The following ERBB4 variants were observed in gnomAD, a reference collection of about 807,000 sequenced individuals.
ERBB4 encodes the protein erb-b2 receptor tyrosine kinase 4, also known as receptor tyrosine-protein kinase erbB-4.
In ERBB4, 42 loss-of-function variants were observed where a neutral mutation model predicts 158.0. The ratio of observed to expected loss-of-function variants is 0.27; its 90% CI spans 0.21 to 0.34. The LOEUF (loss-of-function observed/expected upper bound fraction) is 0.34, where lower values mean the gene tolerates loss of function less well. Among genes scored for constraint, ERBB4 ranks in the 10% least tolerant of loss-of-function variants. ERBB4 has a pLI of 1.00. For missense variants in ERBB4, 1,333 were observed against 1,624.1 expected (o/e 0.82, Z 3.08); for synonymous variants, 583 against 558.7 (o/e 1.04, Z -0.61).
intron 1 of ERBB4, among the ~76,000 whole-genome samples, chr2:212,272,652 C>G (rs1287997109): frequency 6.6e-6 from 1 of 151,698 alleles, no homozygotes; most frequent in Non-Finnish European, 1.5e-5. Context: ...GACTGATGCG[C>G]CAGCTTGCAG....
intron 3 of ERBB4, among the ~76,000 whole-genome samples, chr2:211,933,181 C>A (rs1049013187): frequency 4.6e-5 from 7 of 152,032 alleles, no homozygotes; most frequent in Non-Finnish European, 1.0e-4. Context: ...AAGCATGATA[C>A]AATTTTAATT....
intron 1 of ERBB4, among the ~76,000 whole-genome samples, chr2:212,218,253 T>A (rs1467810517): frequency 6.6e-6 from 1 of 151,362 alleles, no homozygotes; most frequent in East Asian, 1.9e-4. Context: ...ATGAATAATA[T>A]CTGAAGTACA....
chr2:211,634,679 T>C (rs2070290620), intron 16 of ERBB4, among the ~76,000 whole-genome samples: 1 of 152,106 alleles, frequency 6.6e-6, no homozygotes, highest in African/African-American at 2.4e-5. Flanking sequence ...GTGATTTATT[T>C]TATTTTTATT....
chr2:211,744,312 C>A (rs1206302689), intron 5 of ERBB4, among the ~76,000 whole-genome samples: 1 of 152,122 alleles, frequency 6.6e-6, no homozygotes, highest in Non-Finnish European at 1.5e-5. Flanking sequence ...AATGTACTAA[C>A]TTTTACTAAA....
chr2:211,993,956 A>G (rs1298707261), intron 2 of ERBB4, among the ~76,000 whole-genome samples: 2 of 150,640 alleles, frequency 1.3e-5, no homozygotes, highest in Non-Finnish European at 3.0e-5. Flanking sequence ...TATATGTTTT[A>G]TAATTATTAG....
At chr2:211,557,527 T>C (rs1202655572) in intron 20 of ERBB4, among the ~76,000 whole-genome samples, 1 of 152,092 alleles carries the variant, frequency 6.6e-6, no homozygotes, top group East Asian at 1.9e-4. Flanking sequence ...TCAACATCAC[T>C]GATCATTAGA....
rs1032090948 is a variant in ERBB4, at chr2:211,377,771, C to T, written c.*5844G>A. On this transcript the variant is annotated 3_prime_UTR_variant, in exon 28 of 28. Transcript: ENST00000342788. ...TACAGCTTTTATGTAAAGATTAAAT[C>T]GAAGTTCTACCAAGTGTATGTGGAC... The T allele has an allele frequency of 5.2e-5, 12 of 232,286 alleles. No homozygotes were observed. Among genetic ancestry groups the T allele is most frequent in the Admixed American group, 3.4e-4 (6 of 17,730 alleles). The allele number at this position is 232,286 out of a possible 1,614,324, so 14.4% of individuals were successfully genotyped here.
At chr2:212,290,034 T>G (rs1055490231) in intron 1 of ERBB4, among the ~76,000 whole-genome samples, 8 of 152,148 alleles carry the variant, frequency 5.3e-5, no homozygotes, top group African/African-American at 1.9e-4. Flanking sequence ...GAGCCAATAA[T>G]TTATATAGTA....
At chr2:212,534,871 A>G (rs1032378510) in intron 1 of ERBB4, among the ~76,000 whole-genome samples, 6 of 152,240 alleles carry the variant, frequency 3.9e-5, no homozygotes, top group Non-Finnish European at 7.3e-5. Context: ...AAATCAGCCA[A>G]TGCAAACTTA....
intron 1 of ERBB4, among the ~76,000 whole-genome samples, chr2:212,512,548 T>C (rs1691584409): frequency 6.6e-6 from 1 of 152,162 alleles, no homozygotes; most frequent in Admixed American, 6.5e-5. Context: ...ATTTCTTGCC[T>C]TCTCACAACA....
At chr2:212,122,121 C>T (rs1461434136) in intron 2 of ERBB4, among the ~76,000 whole-genome samples, 4 of 151,126 alleles carry the variant, frequency 2.6e-5, no homozygotes, top group Admixed American at 2.6e-4. Context: ...ACATATAAAA[C>T]ATAATTTATC....
intron 2 of ERBB4, among the ~76,000 whole-genome samples, chr2:212,084,947 A>G (rs2125477269): frequency 6.6e-6 from 1 of 152,066 alleles, no homozygotes; most frequent in Non-Finnish European, 1.5e-5. Flanking sequence ...TACATGACTT[A>G]AGTAATTTAT....
intron 2 of ERBB4, among the ~76,000 whole-genome samples, chr2:212,002,866 C>A (rs966397625): frequency 2.0e-5 from 3 of 151,818 alleles, no homozygotes; most frequent in African/African-American, 7.3e-5. Context: ...TGACCTCAGC[C>A]TGGCCAATAT....
chr2:211,468,892 T>C (rs1014656291), intron 20 of ERBB4, among the ~76,000 whole-genome samples: 12 of 144,400 alleles, frequency 8.3e-5, no homozygotes, highest in Non-Finnish European at 1.4e-4. Flanking sequence ...TTTTACAAAA[T>C]ATATATGTAT....
chr2:211,708,390 C>T (rs1393679341), intron 9 of ERBB4, among the ~76,000 whole-genome samples: 1 of 152,006 alleles, frequency 6.6e-6, no homozygotes. Context: ...GACAAATAAT[C>T]CCCTGAACTA....
chr2:211,680,677 C>A (rs2072295760), intron 12 of ERBB4, among the ~76,000 whole-genome samples: 1 of 152,114 alleles, frequency 6.6e-6, no homozygotes, highest in Non-Finnish European at 1.5e-5. Context: ...ACAAATATTC[C>A]AATTCATATT....
chr2:212,031,945 G>C (rs1048080067), intron 2 of ERBB4, among the ~76,000 whole-genome samples: 6 of 152,078 alleles, frequency 3.9e-5, no homozygotes, highest in Non-Finnish European at 7.4e-5. Context: ...TTTAGAGTAG[G>C]AGTTAAGAAG....
intron 1 of ERBB4, among the ~76,000 whole-genome samples, chr2:212,152,792 C>T (rs2080912736): frequency 6.6e-6 from 1 of 152,178 alleles, no homozygotes; most frequent in African/African-American, 2.4e-5. Context: ...TCCACTTGTG[C>T]TTCCTCATTC....
At chr2:212,472,126 G>A (rs891652565) in intron 1 of ERBB4, among the ~76,000 whole-genome samples, 6 of 151,838 alleles carry the variant, frequency 4.0e-5, no homozygotes, top group East Asian at 3.8e-4. Flanking sequence ...TAAATTAATA[G>A]TGTTCATGCT....
Sources: gnomAD v4.1 joint callset for allele counts (sites outside exome capture counted in the v4.1 genomes callset) on GRCh38, gnomAD v4.1.1 for gene constraint, MANE v1.5 for transcripts, NCBI Gene and HGNC (gene_info 2026-07-23, HGNC 2026-07-21) for gene names.